ZFPM2: variants seen among roughly 807,000 people sequenced by gnomAD.
The protein encoded by ZFPM2 is zinc finger protein ZFPM2.
A neutral mutation model predicts 98.6 loss-of-function variants in ZFPM2; 20 were observed. The ratio of observed to expected loss-of-function variants is 0.20; its 90% CI spans 0.14 to 0.29. The LOEUF (loss-of-function observed/expected upper bound fraction) is 0.29. Among genes scored for constraint, ZFPM2 ranks in the 10% least tolerant of loss-of-function variants. ZFPM2 has a pLI of 1.00. For synonymous variants in ZFPM2, 518 were observed against 502.7 expected, an observed-to-expected ratio of 1.03 and a Z score of -0.41; for missense variants, 1,310 against 1,388.6, an observed-to-expected ratio of 0.94 and a Z score of 0.90.
intron 1 of ZFPM2, among the ~76,000 whole-genome samples, chr8:105,417,527 A>T (rs1195596273): frequency 6.6e-6 from 1 of 152,196 alleles, no homozygotes; most frequent in Non-Finnish European, 1.5e-5. Flanking sequence ...ATATTCTATT[A>T]TAGTTCTCAT....
intron 5 of ZFPM2, among the ~76,000 whole-genome samples, chr8:105,680,463 A>T (rs1400576579): frequency 6.6e-6 from 1 of 152,186 alleles, no homozygotes; most frequent in African/African-American, 2.4e-5. Flanking sequence ...CTTGGAATTG[A>T]TAATCTCCTC....
At chr8:105,770,529 G>A (rs1232539224) in intron 5 of ZFPM2, among the ~76,000 whole-genome samples, 3 of 151,966 alleles carry the variant, frequency 2.0e-5, no homozygotes, top group African/African-American at 7.3e-5. Flanking sequence ...CCACATTATC[G>A]TGAATAAAAT....
chr8:105,381,714 G>C (rs1391596505), intron 1 of ZFPM2, among the ~76,000 whole-genome samples: 1 of 152,054 alleles, frequency 6.6e-6, no homozygotes, highest in African/African-American at 2.4e-5. Context: ...AAATGTTTTT[G>C]CATATATATA....
At chr8:105,441,434 AAGAGAGAGAGAG>A (rs35365518) in intron 2 of ZFPM2, among the ~76,000 whole-genome samples, 2 of 94,994 alleles carry the variant, frequency 2.1e-5, no homozygotes, top group Non-Finnish European at 3.8e-5. Flanking sequence ...GAAAGAAAGA[AAGAGAGAGAGAG>A]AGAGAGAGAA....
At chr8:105,725,388 G>C (rs753535) in intron 5 of ZFPM2, among the ~76,000 whole-genome samples, 1 of 151,570 alleles carries the variant, frequency 6.6e-6, no homozygotes, top group Non-Finnish European at 1.5e-5. Context: ...TTAGAATAAC[G>C]TATTTTTTCT....
At chr8:105,445,864 C>T (rs1355664637) in intron 3 of ZFPM2, among the ~76,000 whole-genome samples, 1 of 151,860 alleles carries the variant, frequency 6.6e-6, no homozygotes, top group Non-Finnish European at 1.5e-5. Context: ...CTCATCCTCC[C>T]AAGGGAATTA....
At chr8:105,560,984 C>T (rs1815122455) in intron 3 of ZFPM2, among the ~76,000 whole-genome samples, 1 of 152,122 alleles carries the variant, frequency 6.6e-6, no homozygotes, top group East Asian at 1.9e-4. Context: ...GTTTGACAGT[C>T]TTGAATAAAT....
rs563665791 is a variant in ZFPM2, at chr8:105,693,064, G to A, written c.532+58707G>A. ...ATGACATGAGAAGAGCCTAAGCTAC[G>A]GTCGCATGGTGCCCTTCTGTTGAGT... On this transcript the variant is annotated intron_variant, in intron 5 of 7. Coordinates refer to ENST00000407775, the MANE Select transcript of ZFPM2 (RefSeq NM_012082.4). Among the ~76,000 whole-genome samples, 8 of 152,302 alleles carry A rather than the reference G, an allele frequency of 5.3e-5. No homozygotes were observed. In the South Asian group the frequency reaches 1.5e-3, roughly 28 times the overall value.
At chr8:105,702,216 ACTATCAGCATCCTCTATG>A (rs1811156266) in intron 5 of ZFPM2, among the ~76,000 whole-genome samples, 1 of 152,192 alleles carries the variant, frequency 6.6e-6, no homozygotes, top group Non-Finnish European at 1.5e-5. Context: ...CAGGTTTCCA[ACTATCAGCATCCTCTATG>A]CATTAATTTT....
At chr8:105,463,837 G>T (rs144109646) in intron 3 of ZFPM2, among the ~76,000 whole-genome samples, 1 of 151,934 alleles carries the variant, frequency 6.6e-6, no homozygotes, top group Non-Finnish European at 1.5e-5. Context: ...TGAGAAATCT[G>T]CATTTACCTC....
At chr8:105,622,978 ACTTG>A (rs1441174973) in intron 4 of ZFPM2, among the ~76,000 whole-genome samples, 7 of 152,186 alleles carry the variant, frequency 4.6e-5, no homozygotes, top group African/African-American at 1.2e-4. Flanking sequence ...TAAACTATTA[ACTTG>A]CTTATATTTT....
chr8:105,671,225 C>T (rs1817587925), intron 5 of ZFPM2, among the ~76,000 whole-genome samples: 1 of 151,794 alleles, frequency 6.6e-6, no homozygotes, highest in South Asian at 2.1e-4. Context: ...TGAGTAATTT[C>T]CTTGATTCTC....
intron 3 of ZFPM2, among the ~76,000 whole-genome samples, chr8:105,552,573 T>C (rs1178385988): frequency 1.3e-5 from 2 of 152,176 alleles, no homozygotes; most frequent in Non-Finnish European, 2.9e-5. Context: ...CACCTTCTAA[T>C]GACTTTTCCG....
chr8:105,755,958 T>G (rs1421669750), intron 5 of ZFPM2, among the ~76,000 whole-genome samples: 1 of 152,176 alleles, frequency 6.6e-6, no homozygotes, highest in Non-Finnish European at 1.5e-5. Flanking sequence ...TTTATTTGTT[T>G]ACAAGGTGAG....
chr8:105,493,650 G>C (rs1160769820), intron 3 of ZFPM2, among the ~76,000 whole-genome samples: 8 of 152,126 alleles, frequency 5.3e-5, no homozygotes, highest in Non-Finnish European at 1.2e-4. Context: ...TGGCCCTGCT[G>C]TGGTATTCCA....
chr8:105,607,276 A>G (rs541200368), intron 4 of ZFPM2, among the ~76,000 whole-genome samples: 1 of 152,198 alleles, frequency 6.6e-6, no homozygotes, highest in East Asian at 1.9e-4. Context: ...TGCCAAGAAA[A>G]CCTTATCTTT....
intron 1 of ZFPM2, among the ~76,000 whole-genome samples, chr8:105,367,160 A>G (rs909244621): frequency 9.8e-6 from 1 of 102,500 alleles, no homozygotes; most frequent in African/African-American, 4.9e-5. Flanking sequence ...AGGTAGCGTG[A>G]TGCCTCCAGC....
chr8:105,512,480 G>C (rs1208396645), intron 3 of ZFPM2, among the ~76,000 whole-genome samples: 1 of 152,140 alleles, frequency 6.6e-6, no homozygotes, highest in East Asian at 1.9e-4. Flanking sequence ...GGATATAGTA[G>C]TCATAATGTA....
chr8:105,770,067 A>G (rs1036767837), intron 5 of ZFPM2, among the ~76,000 whole-genome samples: 5 of 151,822 alleles, frequency 3.3e-5, no homozygotes, highest in Non-Finnish European at 1.5e-5. Context: ...TTCTCAGGCT[A>G]TAGGCAGAAG....
Sources: allele counts gnomAD v4.1 joint callset (sites outside exome capture counted in the v4.1 genomes callset), GRCh38; gene constraint gnomAD v4.1.1; transcripts MANE v1.5; gene names NCBI Gene and HGNC (gene_info 2026-07-23, HGNC 2026-07-21).